The following PIK3C3 variants were observed in gnomAD, a reference collection of about 807,000 sequenced individuals.
The protein encoded by PIK3C3 is PI3-kinase type 3.
Under a neutral mutation model 126.1 loss-of-function variants are expected in PIK3C3, and 95 were observed. The ratio of observed to expected loss-of-function variants is 0.75; its 90% CI spans 0.64 to 0.89. The LOEUF is 0.89. Ranked by LOEUF, PIK3C3 falls within the 40% of genes least tolerant of loss-of-function variation. The probability of loss-of-function intolerance (pLI) is 0.00; values close to 1 mark genes in which losing one functional copy is unlikely to be tolerated. For missense variants in PIK3C3, 829 were observed against 1,063.2 expected (o/e 0.78, Z 3.06); for synonymous variants, 374 against 360.0 (o/e 1.04, Z -0.44).
At chr18:41,959,711 C>G (rs1235580779) in intron 2 of PIK3C3, among the ~76,000 whole-genome samples, 1 of 151,754 alleles carries the variant, frequency 6.6e-6, no homozygotes, top group African/African-American at 2.4e-5. Context: ...GGAGAATCGC[C>G]GGAACCCAGG....
At chr18:42,041,137 A>G (rs575948903) in intron 19 of PIK3C3, among the ~76,000 whole-genome samples, 1 of 152,086 alleles carries the variant, frequency 6.6e-6, no homozygotes, top group African/African-American at 2.4e-5. Context: ...AGCTGAGATC[A>G]CATCATTGCA....
intron 4 of PIK3C3, among the ~76,000 whole-genome samples, chr18:41,972,939 G>T (rs1201198448): frequency 6.6e-6 from 1 of 152,050 alleles, no homozygotes; most frequent in Non-Finnish European, 1.5e-5. Flanking sequence ...TGGGCACTTG[G>T]AAATGCATTA....
At chr18:41,991,388 C>T (rs1981770079) in intron 6 of PIK3C3, among the ~76,000 whole-genome samples, 1 of 151,944 alleles carries the variant, frequency 6.6e-6, no homozygotes, top group South Asian at 2.1e-4. Context: ...AAAATGTATG[C>T]ATAGTTTGAA....
chr18:42,018,155 C>T (rs1983160897), intron 12 of PIK3C3, among the ~76,000 whole-genome samples: 1 of 151,882 alleles, frequency 6.6e-6, no homozygotes, highest in Non-Finnish European at 1.5e-5. Flanking sequence ...GCACCTTCCT[C>T]ACCATTTCTT....
chr18:42,080,889 A>G (rs1376727497), intron 24 of PIK3C3, among the ~76,000 whole-genome samples: 2 of 152,176 alleles, frequency 1.3e-5, no homozygotes, highest in Non-Finnish European at 2.9e-5. Context: ...TCTTGAGCTT[A>G]CAGTCAGCAG....
At chr18:41,977,574 C>A (rs1343817300) in intron 4 of PIK3C3, among the ~76,000 whole-genome samples, 2 of 151,938 alleles carry the variant, frequency 1.3e-5, no homozygotes, top group Non-Finnish European at 2.9e-5. Context: ...CGGCTCACTG[C>A]AACTCCTGGG....
At chr18:42,044,699 C>T (rs1984483772) in intron 20 of PIK3C3, among the ~76,000 whole-genome samples, 1 of 152,178 alleles carries the variant, frequency 6.6e-6, no homozygotes, top group Non-Finnish European at 1.5e-5. Flanking sequence ...AGATTGAAGG[C>T]ATGAGCCACC....
chr18:42,013,257 C>T (rs1982914985), intron 10 of PIK3C3, among the ~76,000 whole-genome samples, 185 bp from the exon 11 acceptor site: 1 of 151,860 alleles, frequency 6.6e-6, no homozygotes, highest in Non-Finnish European at 1.5e-5. Context: ...TTATGATGTC[C>T]ATTTTAAAGA....
At chr18:42,059,512 G>A (rs647512) in intron 22 of PIK3C3, among the ~76,000 whole-genome samples, 74,387 of 151,954 alleles carry the variant, frequency 0.49, 19,735 homozygotes, top group African/African-American at 0.7. Flanking sequence ...AGAAATGTCA[G>A]AGGTGCTCTA....
At chr18:42,064,880 T>C in intron 23 of PIK3C3, 50 bp downstream of exon 23, 1 of 974,396 alleles carries the variant, frequency 1.0e-6, no homozygotes, top group Non-Finnish European at 1.6e-6. Flanking sequence ...AATTTTTCCA[T>C]ATTCCAGAAT....
chr18:42,038,836 C>T lies in PIK3C3; in HGVS notation c.2024C>T (p.Thr675Ile), dbSNP rs768165722. 1.3e-6 allele frequency: 2 copies of T among 1,595,084 alleles called. No individual in the cohort carries two copies. Among genetic ancestry groups the T allele is most frequent in the South Asian group, 1.1e-5 (1 of 90,176 alleles). ...TTGACACCTTATAAGGTGTTAGCCA[C>T]CAGTACAAAACATGGTAAGTGTATT... The part of the protein sequence containing the change: ...LKLTPYKVLA[T>I]STKHGFMQFI... The change falls in exon 18 of 25, where the codon ACC becomes ATC. Residue 675 changes from threonine to isoleucine, a missense_variant. Physicochemically the swap from Thr to Ile is moderately conservative, Grantham distance 89 (BLOSUM62 -1). This residue lies in a region of PIK3C3 where 196 missense variants were observed against 312.8 expected (regional missense o/e 0.63). Coordinates refer to ENST00000262039, the MANE Select transcript of PIK3C3 (RefSeq NM_002647.4).
At chr18:42,050,711 C>CAA (rs1199320160) in intron 21 of PIK3C3, 1 of 152,162 alleles carries the variant, frequency 6.6e-6, no homozygotes, top group African/African-American at 2.4e-5. Flanking sequence ...ACTACTTTGA[C>CAA]CCCACTTGAA....
intron 23 of PIK3C3, among the ~76,000 whole-genome samples, chr18:42,066,149 T>TC (rs1389310750): frequency 6.6e-6 from 1 of 152,188 alleles, no homozygotes; most frequent in Non-Finnish European, 1.5e-5. Flanking sequence ...GAGAGCTAGT[T>TC]CATTGAAGAT....
chr18:42,013,629 T>C (rs747849573), intron 11 of PIK3C3, 33 bp downstream of exon 11: 1 of 1,462,922 alleles, frequency 6.8e-7, no homozygotes, highest in South Asian at 1.2e-5. Context: ...TATTTTCTAG[T>C]TTGTTAATTT....
intron 5 of PIK3C3, among the ~76,000 whole-genome samples, chr18:41,988,540 A>G (rs969042607): frequency 1.3e-5 from 2 of 152,270 alleles, no homozygotes; most frequent in Admixed American, 6.5e-5. Flanking sequence ...ATATTAATCA[A>G]ATTAGGAGAG....
Position 42,085,718 on chromosome 18 carries a change from T to C in PIK3C3, c.*4581T>C, listed in dbSNP as rs1465164997. The C allele has an allele frequency of 6.6e-6, 1 of 152,228 alleles. No homozygotes were observed. Among genetic ancestry groups the C allele is most frequent in the African/African-American group, 2.4e-5 (1 of 41,456 alleles). The allele number at this position is 152,228 out of a possible 1,614,324, so 9.4% of individuals were successfully genotyped here. On this transcript the variant is annotated 3_prime_UTR_variant, in exon 25 of 25. Transcript: ENST00000262039. The stretch of plus-strand genomic sequence containing the variant: ...ACATAGCATCCCAGTATTGCCATTC[T>C]AAAACTCTGGCATGTAAATGGGAGA...
chr18:42,057,877 A>G lies in PIK3C3; in HGVS notation c.2264-6A>G, dbSNP rs1206160422. 1 of 1,613,096 alleles carries G rather than the reference A, an allele frequency of 6.2e-7. No homozygotes were observed. Among genetic ancestry groups the G allele is most frequent in the African/African-American group, 1.3e-5 (1 of 75,004 alleles). ...GGAAACAAATGAGTTTCTTGTCAAC[A>G]TCCAGGCAAACTCTTCCACATAGAC... On this transcript the variant is annotated splice_region_variant and splice_polypyrimidine_tract_variant and intron_variant, in intron 21 of 24. Coordinates refer to ENST00000262039, the MANE Select transcript of PIK3C3 (RefSeq NM_002647.4).
At chr18:42,054,165 T>A (rs1261656149) in intron 21 of PIK3C3, among the ~76,000 whole-genome samples, 1 of 43,674 alleles carries the variant, frequency 2.3e-5, no homozygotes, top group Non-Finnish European at 4.4e-5. Context: ...TATATATATA[T>A]ATATATATAT....
At chr18:42,061,386 C>T (rs2144511175) in intron 22 of PIK3C3, among the ~76,000 whole-genome samples, 1 of 152,240 alleles carries the variant, frequency 6.6e-6, no homozygotes, top group South Asian at 2.1e-4. Context: ...AGTTCGAGAC[C>T]AGCCTGGCCA....
Sources: gnomAD v4.1 joint callset for allele counts (sites outside exome capture counted in the v4.1 genomes callset) on GRCh38, gnomAD v4.1.1 for gene constraint, gnomAD v4.1.1 regional missense constraint, MANE v1.5 for transcripts, NCBI Gene and HGNC (gene_info 2026-07-23, HGNC 2026-07-21) for gene names.